FER1L6: variants seen among roughly 807,000 people sequenced by gnomAD.
The protein encoded by FER1L6 is fer-1 like family member 6, also known as fer-1-like protein 6.
FER1L6 carries 177 observed loss-of-function variants against 219.2 expected under a neutral mutation model. The ratio of observed to expected loss-of-function variants is 0.81; its 90% CI spans 0.71 to 0.91. The LOEUF (loss-of-function observed/expected upper bound fraction) is 0.91, where lower values mean the gene tolerates loss of function less well. FER1L6 is among the 40% of genes least tolerant of loss of function. The pLI, the probability that FER1L6 is intolerant of heterozygous loss-of-function variation, is 0.00. For synonymous variants in FER1L6, 768 were observed against 824.3 expected, an observed-to-expected ratio of 0.93 and a Z score of 1.17; for missense variants, 2,153 against 2,259.9, an observed-to-expected ratio of 0.95 and a Z score of 0.96.
intron 13 of FER1L6, among the ~76,000 whole-genome samples, chr8:124,007,811 T>C (rs1338062466): frequency 3.3e-5 from 5 of 152,228 alleles, no homozygotes; most frequent in South Asian, 2.1e-4. Context: ...GGTGGTTAGA[T>C]GAGCAAGCCA....
rs146024407 is a variant in FER1L6 at position 124,049,781 on chromosome 8, G to T, written c.2874+25G>T. 2.9e-4 allele frequency: 465 copies of T among 1,613,102 alleles called. 1 individual carries two copies. The African/African-American group carries it at 5.1e-3, about 18-fold the overall frequency. On this transcript the variant is annotated intron_variant, in intron 22 of 40. Transcript: ENST00000522917. ...GGTGAGTGAACCAGATGTGGCACGA[G>T]ATCTATTAGGTCTACCTGGCCAGAG...
In FER1L6 at chr8:123,868,625, C is replaced by A. The variant is rs1303777350; in HGVS notation, c.-8+16440C>A. On this transcript the variant is annotated intron_variant, in intron 1 of 40. Coordinates refer to ENST00000522917, the MANE Select transcript of FER1L6 (RefSeq NM_001039112.2). ...TGCCCTCAAGTGACCCCACTGCTTCCTTCTCCAAGCAGCCCTCCCTGCAGA... is the reference window on the plus strand; with the variant it reads ...TGCCCTCAAGTGACCCCACTGCTTCATTCTCCAAGCAGCCCTCCCTGCAGA... Among the ~76,000 whole-genome samples the A allele has an allele frequency of 2.0e-5, 3 of 152,178 alleles. No homozygotes were observed. The East Asian group carries it at 5.8e-4, about 29-fold the overall frequency.
At position 124,062,027 on chromosome 8, in the gene FER1L6, G is replaced by T; in HGVS notation, c.3323G>T (p.Gly1108Val). ...ACACAGGTGGATGGAACCCAGCCTG[G>T]GCACGGTGAGAAGCTGCTCTTAGAT... ...PITQVDGTQP[G>V]HDISDSLTAT... is the part of the protein sequence containing the mutation. The change falls in exon 25 of 41, where the codon GGG becomes GTG. Residue 1108 changes from glycine (G) to valine (V), a missense_variant. By Grantham distance (109) the Gly-to-Val change is moderately radical. Transcript: ENST00000522917. The T allele has an allele frequency of 6.2e-7, 1 of 1,614,034 alleles. No homozygotes were observed. Among genetic ancestry groups the T allele is most frequent in the Non-Finnish European group, 8.5e-7 (1 of 1,179,928 alleles).
In FER1L6 at chr8:124,091,415, C is replaced by T. The variant is rs1822022225; in HGVS notation, c.4392-8C>T. The T allele has an allele frequency of 2.5e-6, 4 of 1,612,756 alleles. No homozygotes were observed. The South Asian group carries it at 4.4e-5, about 18-fold the overall frequency. On this transcript the variant is annotated splice_region_variant and splice_polypyrimidine_tract_variant and intron_variant, in intron 33 of 40. Coordinates refer to ENST00000522917, the MANE Select transcript of FER1L6 (RefSeq NM_001039112.2). Reference sequence around the variant, plus strand: ...GACCTCAAAGTGTGTTCTCCCTCCACTTTTCAGAGAAGGATACAATGCCTG... The same window carrying T: ...GACCTCAAAGTGTGTTCTCCCTCCATTTTTCAGAGAAGGATACAATGCCTG...
chr8:124,063,812 T>C (rs1055047423), intron 25 of FER1L6, among the ~76,000 whole-genome samples: 4 of 152,134 alleles, frequency 2.6e-5, no homozygotes, highest in Admixed American at 2.6e-4. Flanking sequence ...AACGGAGAGA[T>C]GAGGACCATT....
chr8:124,064,243 T>C, intron 25 of FER1L6, 104 bp from the exon 26 acceptor site: 2 of 878,238 alleles, frequency 2.3e-6, no homozygotes, highest in South Asian at 1.4e-5. Context: ...ATTAGCAACC[T>C]GACGTATTTG....
intron 2 of FER1L6, among the ~76,000 whole-genome samples, chr8:123,957,181 C>T (rs1238124964): frequency 6.6e-6 from 1 of 152,228 alleles, no homozygotes; most frequent in Non-Finnish European, 1.5e-5. Flanking sequence ...TTGTACCTAA[C>T]TTCACTCCTT....
chr8:123,865,702 G>A (rs1291185802), intron 1 of FER1L6, among the ~76,000 whole-genome samples: 3 of 151,226 alleles, frequency 2.0e-5, no homozygotes, highest in Admixed American at 1.3e-4. Flanking sequence ...TTTTTAAGCC[G>A]GTCTGAAAAG....
Position 124,064,524 on chromosome 8 carries a change from C to T in FER1L6, c.3506C>T (p.Pro1169Leu), listed in dbSNP as rs1222063973. 3 of 1,613,608 alleles carry T rather than the reference C, an allele frequency of 1.9e-6. No homozygotes were observed. Among genetic ancestry groups the T allele is most frequent in the Non-Finnish European group, 2.5e-6 (3 of 1,179,902 alleles). ...DVPDSSPMLE[P>L]EHTPVAQEPP... The stretch of plus-strand genomic sequence containing the variant: ...CCTGACTCATCCCCGATGCTGGAGC[C>T]TGAACACACACCTGTAGCCCAGGAG... Residue 1169 changes from proline (P) to leucine (L), a missense_variant, in exon 26 of 41, where the codon CCT becomes CTT. Coordinates refer to ENST00000522917, the MANE Select transcript of FER1L6 (RefSeq NM_001039112.2).
rs994690186 is a variant in FER1L6, at chr8:123,974,659, C to CAAA, written c.527-470_527-468dup. 2.2e-3 allele frequency among the ~76,000 whole-genome samples: 103 copies of CAAA among 47,728 alleles called. 2 individuals are homozygous for CAAA. Among genetic ancestry groups the CAAA allele is most frequent in the Admixed American group, 3.0e-3 (12 of 4,020 alleles). The allele number at this position is 47,728 out of a possible 152,430, so 31.3% of individuals were successfully genotyped here. The stretch of plus-strand genomic sequence containing the variant: ...CAGGCATCACAGCGAGACTCTGTCT[C>CAAA]AAAAAAAAAAAAAAAAAAAAAAAGA... On this transcript the variant is annotated intron_variant, in intron 7 of 40. Coordinates refer to ENST00000522917, the MANE Select transcript of FER1L6 (RefSeq NM_001039112.2).
intron 1 of FER1L6, among the ~76,000 whole-genome samples, chr8:123,861,303 G>A (rs1363345221): frequency 4.5e-5 from 6 of 134,162 alleles, no homozygotes; most frequent in African/African-American, 9.0e-5. Flanking sequence ...GGTATGCGGC[G>A]TTATTTCTGA....
intron 5 of FER1L6, among the ~76,000 whole-genome samples, chr8:123,967,581 A>G (rs1275023948): frequency 1.3e-5 from 2 of 152,240 alleles, no homozygotes; most frequent in East Asian, 3.8e-4. Flanking sequence ...TTATACTCAA[A>G]TGAACAGTGC....
chr8:124,062,156 T>A, intron 25 of FER1L6, 124 bp downstream of exon 25: 2 of 1,009,008 alleles, frequency 2.0e-6, no homozygotes, highest in South Asian at 1.6e-5. Flanking sequence ...ATCTTTCTGA[T>A]GAGCTTGCTC....
intron 38 of FER1L6, 114 bp downstream of exon 38, chr8:124,101,452 G>A: frequency 1.0e-6 from 1 of 958,076 alleles, no homozygotes. Flanking sequence ...ATCTATGATA[G>A]CAAAAACCTG....
chr8:123,892,640 A>G (rs1304767140), intron 1 of FER1L6, among the ~76,000 whole-genome samples: 2 of 152,138 alleles, frequency 1.3e-5, no homozygotes, highest in Non-Finnish European at 2.9e-5. Context: ...ATTGTTTGGG[A>G]AACCGAGTCT....
rs1348304901 is a variant in FER1L6, at chr8:123,901,424, A to T, written c.-8+49239A>T. Among the ~76,000 whole-genome samples, 2 of 151,940 alleles carry T rather than the reference A, an allele frequency of 1.3e-5. 1 individual carries two copies. On this transcript the variant is annotated intron_variant, in intron 1 of 40. Coordinates refer to ENST00000522917, the MANE Select transcript of FER1L6 (RefSeq NM_001039112.2). ...TGGTTAATCTTGCTAACGGTCTGTC[A>T]ATTTTATTTATTTTTCAAAGAACCA...
chr8:123,907,854 G>A (rs1180360011), intron 1 of FER1L6, among the ~76,000 whole-genome samples: 6 of 151,956 alleles, frequency 3.9e-5, no homozygotes, highest in Non-Finnish European at 5.9e-5. Context: ...TAACCTGGAT[G>A]TCAGAGGGGC....
At chr8:124,008,418 A>G (rs754662474) in intron 13 of FER1L6, among the ~76,000 whole-genome samples, 1 of 152,228 alleles carries the variant, frequency 6.6e-6, no homozygotes, top group Admixed American at 6.5e-5. Context: ...ATGCGTGTGC[A>G]TATCTTTTTT....
At chr8:123,882,926 G>A (rs1200981941) in intron 1 of FER1L6, among the ~76,000 whole-genome samples, 1 of 152,160 alleles carries the variant, frequency 6.6e-6, no homozygotes, top group Non-Finnish European at 1.5e-5. Context: ...TTGTTAACAA[G>A]TGAACCATTC....
Sources: allele counts gnomAD v4.1 joint callset (sites outside exome capture counted in the v4.1 genomes callset), GRCh38; gene constraint gnomAD v4.1.1; transcripts MANE v1.5; gene names NCBI Gene and HGNC (gene_info 2026-07-23, HGNC 2026-07-21).